SBK1: variants seen among roughly 807,000 people sequenced by gnomAD.
The protein encoded by SBK1 is SH3 domain binding kinase 1, also known as serine/threonine-protein kinase SBK1.
Under a neutral mutation model 24.4 loss-of-function variants are expected in SBK1, and 11 were observed. The ratio of observed to expected loss-of-function variants is 0.45; its 90% CI spans 0.28 to 0.75. SBK1 has a LOEUF of 0.75. Ranked by LOEUF, SBK1 falls within the 30% of genes least tolerant of loss-of-function variation. The pLI is 0.12. For missense variants in SBK1, 467 were observed against 620.5 expected, an observed-to-expected ratio of 0.75 and a Z score of 2.63; for synonymous variants, 308 against 284.4, an observed-to-expected ratio of 1.08 and a Z score of -0.83.
At chr16:28,262,372 G>A (rs2044403112) in intron 1 of SBK1, among the ~76,000 whole-genome samples, 1 of 152,214 alleles carries the variant, frequency 6.6e-6, no homozygotes, top group Non-Finnish European at 1.5e-5. Flanking sequence ...TCCTGGGGAA[G>A]TCACTTCTCT....
chr16:28,297,590 C>T (rs1725388923), intron 1 of SBK1, among the ~76,000 whole-genome samples: 1 of 152,212 alleles, frequency 6.6e-6, no homozygotes, highest in Non-Finnish European at 1.5e-5. Context: ...CAGCAAGGCA[C>T]TTACCCTTTC....
In SBK1 at chr16:28,319,263, T is replaced by A. The variant is rs1307680907; in HGVS notation, c.429+66T>A. On this transcript the variant is annotated intron_variant, in intron 3 of 3. Coordinates refer to ENST00000341901, the MANE Select transcript of SBK1 (RefSeq NM_001024401.3). The surrounding 1 kb of genome is among the most constrained non-coding windows in gnomAD (Gnocchi z 4.0). ...GGGTCCCAGAGTGTGAGAGTGGGAG[T>A]GGAGTCAGACCATTTAATTAACAAG... 8.0e-7 allele frequency: 1 copy of A among 1,244,848 alleles called. No homozygotes were observed. The highest frequency in any genetic ancestry group is 1.2e-6 in the Non-Finnish European group (1 of 850,094). The allele number at this position is 1,244,848 out of a possible 1,614,324, so 77.1% of individuals were successfully genotyped here. A position where few individuals can be genotyped will look rare whatever the true frequency, so the allele number is the denominator to read the frequency against.
intron 1 of SBK1, among the ~76,000 whole-genome samples, chr16:28,316,348 G>A (rs1035758569): frequency 6.6e-6 from 1 of 152,180 alleles, no homozygotes; most frequent in African/African-American, 2.4e-5. Flanking sequence ...TGTGATCACT[G>A]TGTCTACTGC....
At chr16:28,268,837 A>G (rs1200540221) in intron 1 of SBK1, among the ~76,000 whole-genome samples, 2 of 152,080 alleles carry the variant, frequency 1.3e-5, no homozygotes, top group East Asian at 1.9e-4. Flanking sequence ...GCCAACCTAT[A>G]GAGAAGCTCA....
intron 1 of SBK1, among the ~76,000 whole-genome samples, chr16:28,283,930 C>T (rs2044548691): frequency 6.6e-6 from 1 of 152,176 alleles, no homozygotes; most frequent in Non-Finnish European, 1.5e-5. Context: ...GTGCTGCCTC[C>T]CCTCCTCCCC....
At chr16:28,312,284 C>T (rs371834268) in intron 1 of SBK1, among the ~76,000 whole-genome samples, 1 of 152,218 alleles carries the variant, frequency 6.6e-6, no homozygotes, top group Admixed American at 6.5e-5. Context: ...GCAGCCTTGC[C>T]TCTCCCTGCT....
At chr16:28,278,851 G>A (rs1471972743) in intron 1 of SBK1, among the ~76,000 whole-genome samples, 1 of 152,226 alleles carries the variant, frequency 6.6e-6, no homozygotes, top group African/African-American at 2.4e-5. Context: ...GGTGTCAGGT[G>A]TACAGCGACG....
At chr16:28,318,379 T>G (rs2044813137) in intron 2 of SBK1, among the ~76,000 whole-genome samples, 1 of 152,266 alleles carries the variant, frequency 6.6e-6, no homozygotes, top group Non-Finnish European at 1.5e-5. Flanking sequence ...GCTTGCTGTG[T>G]GACCTTGAGC....
chr16:28,292,134 C>A (rs1297330174), upstream of SBK1: 4 of 152,008 alleles, frequency 2.6e-5, no homozygotes, highest in Admixed American at 2.0e-4. Flanking sequence ...CAGACCGGGA[C>A]AGTCTGGGGC....
chr16:28,309,077 T>C (rs2044736877), intron 1 of SBK1, among the ~76,000 whole-genome samples: 1 of 152,088 alleles, frequency 6.6e-6, no homozygotes, highest in Non-Finnish European at 1.5e-5. Context: ...CCCACAACAA[T>C]GCAGACGGGC....
chr16:28,269,298 G>A (rs2044449303), intron 1 of SBK1, among the ~76,000 whole-genome samples: 1 of 151,460 alleles, frequency 6.6e-6, no homozygotes, highest in African/African-American at 2.4e-5. Flanking sequence ...GCCTCCCAAA[G>A]TGCTGGGATT....
chr16:28,292,857 T>C lies in SBK1; in HGVS notation c.-451T>C, dbSNP rs1302028607. ...GCGGGGAAAGCGGAGACTTCCTCGGTATTTAGAAGACAGCAAGCCCCCTAC... is the reference window on the plus strand; with the variant it reads ...GCGGGGAAAGCGGAGACTTCCTCGGCATTTAGAAGACAGCAAGCCCCCTAC... On this transcript the variant is annotated 5_prime_UTR_variant, in exon 1 of 4. Transcript: ENST00000341901. 1 of 983,998 alleles carries C rather than the reference T, an allele frequency of 1.0e-6. No homozygotes were observed. Among genetic ancestry groups the C allele is most frequent in the African/African-American group, 1.8e-5 (1 of 57,008 alleles). 61.0% of individuals were successfully genotyped at this position (983,998 alleles called of 1,614,324 possible). A position where few individuals can be genotyped will look rare whatever the true frequency, so the allele number is the denominator to read the frequency against.
In SBK1 at chr16:28,319,340, G is replaced by A; in HGVS notation, c.429+143G>A. On this transcript the variant is annotated intron_variant, in intron 3 of 3. Coordinates refer to ENST00000341901, the MANE Select transcript of SBK1 (RefSeq NM_001024401.3). This position sits in a 1 kb window ranked among gnomAD's most constrained non-coding sequence, Gnocchi z 4.0. ...AGTTACCATTTGGGGAGGTGGGGAT[G>A]TGCAGTAAGGAAGACAAAAGTCCCT... 1.5e-6 allele frequency: 1 copy of A among 675,480 alleles called. No homozygotes were observed. The highest frequency in any genetic ancestry group is 2.6e-6 in the Non-Finnish European group (1 of 386,222). The allele number at this position is 675,480 out of a possible 1,614,324, so 41.8% of individuals were successfully genotyped here.
chr16:28,273,519 C>A (rs1047027418), intron 1 of SBK1, among the ~76,000 whole-genome samples: 8 of 152,172 alleles, frequency 5.3e-5, no homozygotes, highest in Non-Finnish European at 1.5e-5. Flanking sequence ...CCACCATGCC[C>A]GGCCATAGGT....
intron 1 of SBK1, among the ~76,000 whole-genome samples, chr16:28,277,368 CAG>C (rs934480971): frequency 7.3e-5 from 11 of 151,422 alleles, no homozygotes; most frequent in African/African-American, 2.7e-4. Context: ...AAAAAGACAA[CAG>C]GGGAGTAACA....
rs2044840193 is a variant in SBK1, at chr16:28,320,973, G to C, written c.*52G>C. The C allele has an allele frequency of 3.8e-6, 5 of 1,331,592 alleles. No individual in the cohort carries two copies. In the South Asian group the frequency reaches 8.1e-5, roughly 22 times the overall value. 82.5% of individuals were successfully genotyped at this position (1,331,592 alleles called of 1,614,324 possible). A position where few individuals can be genotyped will look rare whatever the true frequency, so the allele number is the denominator to read the frequency against. The stretch of plus-strand genomic sequence containing the variant: ...GAGCAGCCCGGGCCCGCCCCGAGCC[G>C]GTGCCCGGTGCGGCGGTAGGGAATG... On this transcript the variant is annotated 3_prime_UTR_variant, in exon 4 of 4. Coordinates refer to ENST00000341901, the MANE Select transcript of SBK1 (RefSeq NM_001024401.3). This position sits in a 1 kb window ranked among gnomAD's most constrained non-coding sequence, Gnocchi z 8.5.
At chr16:28,265,387 C>A (rs558064929) in intron 1 of SBK1, among the ~76,000 whole-genome samples, 59 of 152,078 alleles carry the variant, frequency 3.9e-4, no homozygotes, top group Non-Finnish European at 5.7e-4. Context: ...CCGCTATAGT[C>A]CAGTCTGGGA....
intron 1 of SBK1, among the ~76,000 whole-genome samples, chr16:28,313,479 T>A (rs1395890487): frequency 6.7e-6 from 1 of 148,212 alleles, no homozygotes; most frequent in African/African-American, 2.5e-5. Flanking sequence ...CACCTTGTGG[T>A]CCCAGCTACT....
chr16:28,296,345 G>A (rs138688395), intron 1 of SBK1, among the ~76,000 whole-genome samples: 132 of 151,652 alleles, frequency 8.7e-4, no homozygotes, highest in African/African-American at 2.7e-3. Flanking sequence ...CACCCTCCTC[G>A]GCCTCCCAAA....
Sources: allele counts gnomAD v4.1 joint callset (sites outside exome capture counted in the v4.1 genomes callset), GRCh38; gene constraint gnomAD v4.1.1; non-coding constraint Gnocchi (gnomAD v3.1); transcripts MANE v1.5; gene names NCBI Gene and HGNC (gene_info 2026-07-23, HGNC 2026-07-21).